The following NUTM2E variants were observed in gnomAD, a reference collection of about 807,000 sequenced individuals.
NUTM2E encodes the protein NUT family member 2E.
In NUTM2E, 3 loss-of-function variants were observed where a neutral mutation model predicts 26.1. That is an observed-to-expected ratio of 0.12 (90% CI 0.05 to 0.30). NUTM2E has a LOEUF of 0.30. NUTM2E is among the 10% of genes least tolerant of loss of function. NUTM2E has a pLI of 1.00. For missense variants in NUTM2E, 62 were observed against 381.3 expected (o/e 0.16, Z 6.97); for synonymous variants, 13 against 157.5 (o/e 0.08, Z 6.87).
chr10:79,829,572 A>G (rs1014748332), intron 1 of NUTM2E, among the ~76,000 whole-genome samples: 4 of 151,978 alleles, frequency 2.6e-5, no homozygotes, highest in African/African-American at 7.2e-5. Flanking sequence ...ATTCCCTAAG[A>G]GAAAATGGTA....
At chr10:79,829,196 G>T (rs1841910879) in intron 1 of NUTM2E, among the ~76,000 whole-genome samples, 1 of 151,688 alleles carries the variant, frequency 6.6e-6, no homozygotes, top group Non-Finnish European at 1.5e-5. Context: ...CTAGGTCTTC[G>T]TTGTGGGACA....
chr10:79,837,712 T>C (rs1841972508), intron 1 of NUTM2E, among the ~76,000 whole-genome samples: 1 of 152,100 alleles, frequency 6.6e-6, no homozygotes, highest in South Asian at 2.1e-4. Context: ...GATTGATTCA[T>C]CAGTGTGTGT....
Position 79,827,134 on chromosome 10 carries a change from A to C in NUTM2E, c.-2951A>C, listed in dbSNP as rs1841888909. 1 of 152,796 alleles carries C rather than the reference A, an allele frequency of 6.5e-6. No homozygotes were observed. Among genetic ancestry groups the C allele is most frequent in the South Asian group, 2.1e-4 (1 of 4,784 alleles). 9.5% of individuals were successfully genotyped at this position (152,796 alleles called of 1,614,324 possible). On this transcript the variant is annotated 5_prime_UTR_variant, in exon 1 of 10. Coordinates refer to ENST00000429984, the MANE Select transcript of NUTM2E (RefSeq NM_001355263.2). ...CGAGCCCCTCGCCCCTGGCCGGGCC[A>C]GCCTCTTGATGCACCGGGGACGGGC... is the stretch of plus-strand genomic sequence containing the variant.
In NUTM2E at chr10:79,840,709, CT is replaced by C. The variant is rs1313014615; in HGVS notation, c.-1030del. On this transcript the variant is annotated 5_prime_UTR_variant, in exon 4 of 10. An upstream open reading frame in the 5' UTR gains an earlier in-frame stop. Transcript: ENST00000429984. ...CCAAGTGTCTTCGAAAGGGCAAATG[CT>C]TCGTAAGTGCCGACAGGGTGTGTTT... Among the ~76,000 whole-genome samples the C allele has an allele frequency of 6.6e-6, 1 of 151,106 alleles. No homozygotes were observed. Among genetic ancestry groups the C allele is most frequent in the Non-Finnish European group, 1.5e-5 (1 of 67,828 alleles).
At chr10:79,830,414 T>A (rs1841920273) in intron 1 of NUTM2E, among the ~76,000 whole-genome samples, 1 of 151,712 alleles carries the variant, frequency 6.6e-6, no homozygotes, top group African/African-American at 2.4e-5. Context: ...AGAAACAGAA[T>A]TAACAAAGAT....
intron 5 of NUTM2E, among the ~76,000 whole-genome samples, chr10:79,845,264 G>A (rs1254361881): frequency 5.3e-5 from 6 of 112,658 alleles, no homozygotes; most frequent in Middle Eastern, 3.8e-3. Context: ...ACATGGGGCC[G>A]GGGGGAGGAG....
At chr10:79,832,542 ACT>A (rs1312214854) in intron 1 of NUTM2E, among the ~76,000 whole-genome samples, 1 of 151,608 alleles carries the variant, frequency 6.6e-6, no homozygotes, top group African/African-American at 2.4e-5. Context: ...TAGAATTATA[ACT>A]CACATAAATT....
chr10:79,828,794 C>T (rs1471944568), intron 1 of NUTM2E, among the ~76,000 whole-genome samples: 1 of 151,754 alleles, frequency 6.6e-6, no homozygotes, highest in African/African-American at 2.4e-5. Flanking sequence ...CTGTGTAATA[C>T]AGTATGTTTC....
At chr10:79,828,654 G>T (rs1476041164) in intron 1 of NUTM2E, among the ~76,000 whole-genome samples, 1 of 151,854 alleles carries the variant, frequency 6.6e-6, no homozygotes, top group African/African-American at 2.4e-5. Context: ...TACAGCCAAG[G>T]ATTTAGGATT....
At position 79,839,713 on chromosome 10, in the gene NUTM2E, G is replaced by T. The variant is rs1363794644; in HGVS notation, c.-2028G>T. Among the ~76,000 whole-genome samples the T allele has an allele frequency of 3.3e-5, 5 of 151,786 alleles. No homozygotes were observed. The highest frequency in any genetic ancestry group is 1.2e-4 in the African/African-American group (5 of 41,272). On this transcript the variant is annotated 5_prime_UTR_variant, in exon 4 of 10. Transcript: ENST00000429984. ...AGGGCCTCAAGTGCAGAGTCTGAGAGCTCTGCAGGACACAGCATGGAGCCG... is the reference window on the plus strand; with the variant it reads ...AGGGCCTCAAGTGCAGAGTCTGAGATCTCTGCAGGACACAGCATGGAGCCG...
At chr10:79,832,945 A>G (rs1439938066) in intron 1 of NUTM2E, among the ~76,000 whole-genome samples, 2 of 151,572 alleles carry the variant, frequency 1.3e-5, no homozygotes, top group African/African-American at 4.8e-5. Flanking sequence ...GAACACACTT[A>G]CTAATTGAAT....
At chr10:79,836,944 T>G (rs1841967614) in intron 1 of NUTM2E, among the ~76,000 whole-genome samples, 1 of 151,814 alleles carries the variant, frequency 6.6e-6, no homozygotes, top group Non-Finnish European at 1.5e-5. Context: ...AAAATGCCTC[T>G]CCTCACAATG....
intron 1 of NUTM2E, among the ~76,000 whole-genome samples, chr10:79,827,852 G>A (rs886687136): frequency 2.8e-5 from 4 of 143,196 alleles, no homozygotes; most frequent in Non-Finnish European, 4.5e-5. Flanking sequence ...TGCCCAGGCT[G>A]GCACGATCTT....
rs1229762239 is a variant in NUTM2E, at chr10:79,850,056, A to C, written c.2087A>C (p.Asp696Ala). The C allele has an allele frequency of 8.9e-7, 1 of 1,129,720 alleles. No individual in the cohort carries two copies. Among genetic ancestry groups the C allele is most frequent in the East Asian group, 2.5e-5 (1 of 39,786 alleles). 70.0% of individuals were successfully genotyped at this position (1,129,720 alleles called of 1,614,324 possible). A position where few individuals can be genotyped will look rare whatever the true frequency, so the allele number is the denominator to read the frequency against. Reference protein sequence around the residue: ...RAHTGMARSEDSVVLLGCQDS... With the variant: ...RAHTGMARSEASVVLLGCQDS... ...CACACTGGCATGGCCAGGTCCGAAG[A>C]CTCTGTTGTGCTTTTGGGATGTCAG... is the stretch of plus-strand genomic sequence containing the variant. Residue 696 changes from aspartate (D) to alanine (A), a missense_variant, in exon 10 of 10, where the codon GAC becomes GCC. Asp to Ala is a moderately radical substitution (Grantham distance 126, BLOSUM62 -2). Coordinates refer to ENST00000429984, the MANE Select transcript of NUTM2E (RefSeq NM_001355263.2).
chr10:79,837,984 G>A (rs1002375147), intron 1 of NUTM2E, among the ~76,000 whole-genome samples: 1 of 151,308 alleles, frequency 6.6e-6, no homozygotes, highest in African/African-American at 2.4e-5. Flanking sequence ...TGCAGCCTCA[G>A]AAACAAACAT....
At chr10:79,837,829 A>T (rs1251044645) in intron 1 of NUTM2E, among the ~76,000 whole-genome samples, 1 of 151,966 alleles carries the variant, frequency 6.6e-6, no homozygotes, top group Non-Finnish European at 1.5e-5. Flanking sequence ...AGCAATTGCA[A>T]TTGAGTAAAA....
At chr10:79,834,775 CTT>C (rs1841950637) in intron 1 of NUTM2E, among the ~76,000 whole-genome samples, 1 of 148,822 alleles carries the variant, frequency 6.7e-6, no homozygotes, top group Admixed American at 6.7e-5. Flanking sequence ...AAGATTGAAA[CTT>C]TATGTTTTAG....
rs889755383 is a variant in NUTM2E, at chr10:79,838,866, G to A, written c.-2363G>A. Among the ~76,000 whole-genome samples, 8 of 150,564 alleles carry A rather than the reference G, an allele frequency of 5.3e-5. No homozygotes were observed. Among genetic ancestry groups the A allele is most frequent in the Non-Finnish European group, 8.9e-5 (6 of 67,430 alleles). The stretch of plus-strand genomic sequence containing the variant: ...GCTGCGCGTCTCCCTGCCATCAACC[G>A]CCGCAACTGGCGCTGGGAGCGGTTG... On this transcript the variant is annotated 5_prime_UTR_variant, in exon 3 of 10. Transcript: ENST00000429984.
At chr10:79,847,830 C>A (rs2132423582) in intron 6 of NUTM2E, 101 bp from the exon 7 acceptor site, 1 of 380,602 alleles carries the variant, frequency 2.6e-6, no homozygotes, top group East Asian at 3.6e-5. Flanking sequence ...GGACAGCCCA[C>A]CCGAGGCACT....
Sources: allele counts gnomAD v4.1 joint callset (sites outside exome capture counted in the v4.1 genomes callset), GRCh38; gene constraint gnomAD v4.1.1; transcripts MANE v1.5; gene names NCBI Gene and HGNC (gene_info 2026-07-23, HGNC 2026-07-21).